The following DCAF7 variants were observed in gnomAD, a reference collection of about 807,000 sequenced individuals.
DCAF7 encodes DDB1 and CUL4 associated factor 7.
In DCAF7, 4 loss-of-function variants were observed where a neutral mutation model predicts 41.2. That is an observed-to-expected ratio of 0.10 (90% CI 0.05 to 0.22). DCAF7 has a LOEUF of 0.22. DCAF7 is among the 10% of genes least tolerant of loss of function. The pLI, the probability that DCAF7 is intolerant of heterozygous loss-of-function variation, is 1.00. For missense variants in DCAF7, 131 were observed against 443.2 expected (o/e 0.30, Z 6.32); for synonymous variants, 143 against 164.2 (o/e 0.87, Z 0.99).
intron 1 of DCAF7, among the ~76,000 whole-genome samples, chr17:63,562,388 A>G (rs920516101): frequency 1.3e-5 from 2 of 152,168 alleles, no homozygotes; most frequent in African/African-American, 4.8e-5. Context: ...GCGCACGGAC[A>G]CTCATTAATT....
intron 6 of DCAF7, among the ~76,000 whole-genome samples, chr17:63,588,709 T>A (rs1233897689): frequency 6.6e-6 from 1 of 152,174 alleles, no homozygotes; most frequent in African/African-American, 2.4e-5. Context: ...CTGACCCAGA[T>A]GAGAAGGACT....
At chr17:63,561,846 A>T (rs974162861) in intron 1 of DCAF7, among the ~76,000 whole-genome samples, 11 of 152,146 alleles carry the variant, frequency 7.2e-5, no homozygotes, top group Admixed American at 6.6e-5. Context: ...AAATCAACTG[A>T]TTGGAAAAAA....
intron 6 of DCAF7, among the ~76,000 whole-genome samples, chr17:63,587,863 G>A (rs1345621779): frequency 3.3e-5 from 5 of 151,502 alleles, no homozygotes; most frequent in African/African-American, 1.2e-4. Context: ...GTTCATGCCT[G>A]TAATCCCAGC....
intron 1 of DCAF7, among the ~76,000 whole-genome samples, chr17:63,565,631 T>C (rs770618237): frequency 6.6e-6 from 1 of 152,066 alleles, no homozygotes; most frequent in Non-Finnish European, 1.5e-5. Context: ...GATATTTAAC[T>C]CAACATTCTT....
Position 63,550,928 on chromosome 17 carries a change from C to G in DCAF7, c.138+113C>G, listed in dbSNP as rs1337452515. 6.9e-7 allele frequency: 1 copy of G among 1,457,094 alleles called. No homozygotes were observed. The allele number at this position is 1,457,094 out of a possible 1,614,324, so 90.3% of individuals were successfully genotyped here. On this transcript the variant is annotated intron_variant, in intron 1 of 6. Transcript: ENST00000614556. This position sits in a 1 kb window ranked among gnomAD's most constrained non-coding sequence, Gnocchi z 4.8. ...CTCTTGCGGACTCGCCCTAGGGCCA[C>G]GGAGCGGTTCCTCTGTCTGGCCCTG...
intron 3 of DCAF7, 116 bp downstream of exon 3, chr17:63,579,564 G>A: frequency 1.3e-6 from 1 of 756,730 alleles, no homozygotes; most frequent in Non-Finnish European, 2.2e-6. Context: ...GGCTAGGCGT[G>A]GAATGTGGTT....
At chr17:63,582,985 G>T (rs1388642314) in intron 4 of DCAF7, among the ~76,000 whole-genome samples, 1 of 152,278 alleles carries the variant, frequency 6.6e-6, no homozygotes, top group East Asian at 1.9e-4. Context: ...TAGGCCTCCC[G>T]TGACTCAAAA....
At chr17:63,577,816 C>A (rs938127483) in intron 1 of DCAF7, among the ~76,000 whole-genome samples, 12 of 152,188 alleles carry the variant, frequency 7.9e-5, no homozygotes, top group Admixed American at 7.9e-4. Context: ...CACCCCTGGT[C>A]ATTTTCAAAT....
chr17:63,562,963 TACAG>T (rs1249092900), intron 1 of DCAF7, among the ~76,000 whole-genome samples: 2 of 152,020 alleles, frequency 1.3e-5, no homozygotes, highest in African/African-American at 4.8e-5. Flanking sequence ...TTGCTAGAAT[TACAG>T]ACGCACAACA....
chr17:63,559,367 A>ATGTATGTG (rs1568097724), intron 1 of DCAF7, among the ~76,000 whole-genome samples: 1 of 100,786 alleles, frequency 9.9e-6, no homozygotes, highest in African/African-American at 5.3e-5. Flanking sequence ...ATGTATGTAT[A>ATGTATGTG]TATATATGTG....
At chr17:63,568,261 A>G (rs982036787) in intron 1 of DCAF7, among the ~76,000 whole-genome samples, 2 of 152,090 alleles carry the variant, frequency 1.3e-5, no homozygotes, top group African/African-American at 2.4e-5. Context: ...TCAGCCTCCC[A>G]AAGTGCTGGG....
chr17:63,568,454 C>A (rs1263326588), intron 1 of DCAF7, among the ~76,000 whole-genome samples: 1 of 152,132 alleles, frequency 6.6e-6, no homozygotes, highest in Non-Finnish European at 1.5e-5. Context: ...AGGTAATTTG[C>A]AGTTTTGGCC....
chr17:63,573,449 G>T (rs2033528638), intron 1 of DCAF7: 1 of 152,106 alleles, frequency 6.6e-6, no homozygotes, highest in Admixed American at 6.6e-5. Flanking sequence ...TTCTGGCTGG[G>T]CGTGGTGGCT....
chr17:63,565,380 G>A (rs77884412), intron 1 of DCAF7, among the ~76,000 whole-genome samples: 2,763 of 152,126 alleles, frequency 0.018, 70 homozygotes, highest in African/African-American at 0.063. Context: ...TTGGAGACCA[G>A]CTTGACCACC....
intron 1 of DCAF7, among the ~76,000 whole-genome samples, chr17:63,569,230 T>C (rs2147768170): frequency 6.6e-6 from 1 of 152,296 alleles, no homozygotes; most frequent in Admixed American, 6.5e-5. Flanking sequence ...GAGGGTCATC[T>C]TATAGGCGTG....
At chr17:63,564,608 C>G (rs1369236576) in intron 1 of DCAF7, among the ~76,000 whole-genome samples, 1 of 152,200 alleles carries the variant, frequency 6.6e-6, no homozygotes, top group Non-Finnish European at 1.5e-5. Flanking sequence ...CTCTCCTACC[C>G]AGTTGTAGGT....
At chr17:63,571,187 A>G (rs913563778) in intron 1 of DCAF7, among the ~76,000 whole-genome samples, 4 of 149,454 alleles carry the variant, frequency 2.7e-5, no homozygotes, top group Non-Finnish European at 6.0e-5. Context: ...CTCCGTCTCA[A>G]AAAAAAAAAA....
chr17:63,578,688 A>C, intron 2 of DCAF7, 60 bp downstream of exon 2: 3 of 1,609,022 alleles, frequency 1.9e-6, no homozygotes, highest in Non-Finnish European at 2.6e-6. Context: ...AGCTGTTAGC[A>C]GTGAAAAGTC....
chr17:63,582,456 G>A (rs541827425), intron 4 of DCAF7, among the ~76,000 whole-genome samples: 10 of 150,560 alleles, frequency 6.6e-5, no homozygotes, highest in Admixed American at 2.6e-4. Flanking sequence ...CTCTCTCTTC[G>A]TCCCTCTTCG....
Sources: gnomAD v4.1 joint callset for allele counts (sites outside exome capture counted in the v4.1 genomes callset) on GRCh38, gnomAD v4.1.1 for gene constraint, Gnocchi (gnomAD v3.1) non-coding constraint, MANE v1.5 for transcripts, NCBI Gene and HGNC (gene_info 2026-07-23, HGNC 2026-07-21) for gene names.